LYST: variants seen among roughly 807,000 people sequenced by gnomAD.
The protein encoded by LYST is lysosomal-trafficking regulator.
A neutral mutation model predicts 413.6 loss-of-function variants in LYST; 192 were observed. That is an observed-to-expected ratio of 0.46 (90% CI 0.41 to 0.52). LYST has a LOEUF of 0.52. LYST is among the 20% of genes least tolerant of loss of function. The probability of loss-of-function intolerance (pLI) is 0.00; values close to 1 mark genes in which losing one functional copy is unlikely to be tolerated. For missense variants in LYST, 3,815 were observed against 4,499.9 expected, an observed-to-expected ratio of 0.85 and a Z score of 4.35; for synonymous variants, 1,525 against 1,567.3, an observed-to-expected ratio of 0.97 and a Z score of 0.64.
chr1:235,806,402 C>T lies in LYST; in HGVS notation c.2734G>A (p.Glu912Lys). 1.9e-6 allele frequency: 3 copies of T among 1,614,014 alleles called. No homozygotes were observed. Among genetic ancestry groups the T allele is most frequent in the Non-Finnish European group, 2.5e-6 (3 of 1,179,990 alleles). The change falls in exon 6 of 53, where the codon GAA (glutamate) becomes AAA (lysine). Residue 912 changes from glutamate (E) to lysine (K), a missense_variant. Physicochemically the swap from Glu to Lys is moderately conservative, Grantham distance 56. Transcript: ENST00000389793. ...LCVAFLCVSK[E>K]AESDRESAND... The stretch of plus-strand genomic sequence containing the variant: ...GCCGACTCCCTGTCAGACTCTGCTT[C>T]TTTACTTACGCATAAAAAAGCCACA...
chr1:235,843,562 G>A (rs906780418), intron 1 of LYST, among the ~76,000 whole-genome samples: 1 of 152,050 alleles, frequency 6.6e-6, no homozygotes, highest in Non-Finnish European at 1.5e-5. Flanking sequence ...AGTACTAGCT[G>A]CACACCTTAT....
chr1:235,809,204 A>G lies in LYST; in HGVS notation c.1614T>C (p.Asp538=). ...VSKNPFEETA[D]GDVYYPERCC... is the part of the protein sequence containing the mutation. ...ACCGCTCAGGATAATAAACATCTCC[A>G]TCTGCAGTCTCTTCAAATGGGTTTT... The change falls in exon 5 of 53, where the codon GAT becomes GAC. Residue 538 remains aspartate, a synonymous_variant. Transcript: ENST00000389793. This position sits in a 1 kb window ranked among gnomAD's most constrained non-coding sequence, Gnocchi z 4.0. 6.2e-7 allele frequency: 1 copy of G among 1,613,002 alleles called. No individual in the cohort carries two copies. The highest frequency in any genetic ancestry group is 1.7e-5 in the Admixed American group (1 of 59,968).
At chr1:235,681,170 C>T (rs1279678008) in intron 48 of LYST, among the ~76,000 whole-genome samples, 1 of 152,058 alleles carries the variant, frequency 6.6e-6, no homozygotes, top group South Asian at 2.1e-4. Flanking sequence ...TGGAAGACGG[C>T]ATATGAACTG....
chr1:235,715,805 T>C (rs867563756), intron 41 of LYST, among the ~76,000 whole-genome samples: 1 of 151,956 alleles, frequency 6.6e-6, no homozygotes, highest in African/African-American at 2.4e-5. Context: ...ATGTAAAAAC[T>C]ATGTCACATT....
chr1:235,816,890 A>AT (rs1175158522), intron 3 of LYST, among the ~76,000 whole-genome samples: 1 of 152,230 alleles, frequency 6.6e-6, no homozygotes, highest in Admixed American at 6.5e-5. Context: ...GGACTTAATT[A>AT]AAGAGCTTCT....
chr1:235,779,473 G>A (rs1250538089), intron 16 of LYST, among the ~76,000 whole-genome samples: 2 of 152,186 alleles, frequency 1.3e-5, no homozygotes, highest in African/African-American at 2.4e-5. Context: ...TTCTCAAAGT[G>A]TGATCCTCAA....
intron 50 of LYST, among the ~76,000 whole-genome samples, chr1:235,672,038 TAAGGAGAAAG>T (rs1161120161): frequency 6.6e-6 from 1 of 152,144 alleles, no homozygotes; most frequent in Non-Finnish European, 1.5e-5. Flanking sequence ...AGCTTGGATA[TAAGGAGAAAG>T]AAGGAGAAGA....
chr1:235,871,573 T>C (rs1347075641), upstream of LYST, among the ~76,000 whole-genome samples: 1 of 152,214 alleles, frequency 6.6e-6, no homozygotes, highest in Non-Finnish European at 1.5e-5. Context: ...CATAGGAAAA[T>C]AACAATACTA....
In LYST at chr1:235,759,573, G is replaced by A. The variant is rs1177240805; in HGVS notation, c.6280C>T (p.Gln2094Ter). The A allele has an allele frequency of 1.2e-6, 2 of 1,613,256 alleles. No homozygotes were observed. Among genetic ancestry groups the A allele is most frequent in the African/African-American group, 1.3e-5 (1 of 74,878 alleles). The change falls in exon 23 of 53, where the codon CAA becomes TAA. Residue 2094 changes from glutamine (Q) to a stop codon, truncating the protein, a stop_gained. Transcript: ENST00000389793. LOFTEE classifies it high-confidence loss of function. ...CGCAGCATATGGGCGGCCATCTGTT[G>A]TGGAATAATATTAGAGGAATTCTCT... ...EGENSSNIIPQQMAAHMLRSR... is the reference protein window; with the variant it reads ...EGENSSNIIP
chr1:235,866,489 A>G (rs998998408), intron 1 of LYST, among the ~76,000 whole-genome samples: 4 of 152,156 alleles, frequency 2.6e-5, no homozygotes, highest in Non-Finnish European at 4.4e-5. Flanking sequence ...GTAGCAACAC[A>G]CCGCCGTCAG....
chr1:235,821,443 C>A (rs1368406281), intron 3 of LYST, among the ~76,000 whole-genome samples: 1 of 151,566 alleles, frequency 6.6e-6, no homozygotes, highest in African/African-American at 2.4e-5. Context: ...TGAGACCCTG[C>A]CTCGAAAAAG....
Position 235,806,377 on chromosome 1 carries a change from G to C in LYST, c.2759C>G (p.Ala920Gly), listed in dbSNP as rs1307856107. 6.2e-7 allele frequency: 1 copy of C among 1,613,980 alleles called. No individual in the cohort carries two copies. ...GCCAGAAGTATCTTCTGAGTCATTG[G>C]CCGACTCCCTGTCAGACTCTGCTTC... ...SKEAESDRES[A>G]NDSEDTSGYD... The change falls in exon 6 of 53, where the codon GCC becomes GGC. Residue 920 changes from alanine to glycine, a missense_variant. This residue lies in a region of LYST where 1,648 missense variants were observed against 1,810.3 expected (regional missense o/e 0.91). Coordinates refer to ENST00000389793, the MANE Select transcript of LYST (RefSeq NM_000081.4).
At chr1:235,822,609 C>A (rs1379987837) in intron 3 of LYST, among the ~76,000 whole-genome samples, 1 of 152,082 alleles carries the variant, frequency 6.6e-6, no homozygotes, top group Non-Finnish European at 1.5e-5. Flanking sequence ...CTTCAAGAGG[C>A]GTAGAGGGGA....
intron 23 of LYST, among the ~76,000 whole-genome samples, chr1:235,758,136 G>T (rs1055110168): frequency 6.6e-6 from 1 of 152,134 alleles, no homozygotes; most frequent in South Asian, 2.1e-4. Flanking sequence ...TTCATAAAAG[G>T]AATGCTCTCT....
In LYST at chr1:235,802,980, G is replaced by C. The variant is rs1672411980; in HGVS notation, c.3640C>G (p.Leu1214Val). Residue 1214 changes from leucine (L) to valine (V), a missense_variant, in exon 8 of 53, where the codon CTT (leucine) becomes GTT (valine). Leu to Val is a conservative substitution (Grantham distance 32). This residue lies in a region of LYST where 1,648 missense variants were observed against 1,810.3 expected (regional missense o/e 0.91). Coordinates refer to ENST00000389793, the MANE Select transcript of LYST (RefSeq NM_000081.4). ...AEDSQCCSFKLLVEEEGYEAD... is the reference protein window; with the variant it reads ...AEDSQCCSFKVLVEEEGYEAD... Reference sequence around the variant, plus strand: ...TCGTAACCTTCTTCTTCAACTAAAAGTTTAAAACTACAACACTGAGAATCC... The same window carrying C: ...TCGTAACCTTCTTCTTCAACTAAAACTTTAAAACTACAACACTGAGAATCC... 1 of 1,613,282 alleles carries C rather than the reference G, an allele frequency of 6.2e-7. No individual in the cohort carries two copies. The highest frequency in any genetic ancestry group is 1.7e-5 in the Admixed American group (1 of 59,996).
At chr1:235,713,910 A>G (rs1662615474) in intron 42 of LYST, among the ~76,000 whole-genome samples, 1 of 152,238 alleles carries the variant, frequency 6.6e-6, no homozygotes, top group Non-Finnish European at 1.5e-5. Context: ...GAATACATTC[A>G]TAATAGTAAC....
chr1:235,729,498 T>C (rs190477191), intron 37 of LYST, 98 bp downstream of exon 37: 67 of 813,534 alleles, frequency 8.2e-5, no homozygotes, highest in African/African-American at 6.9e-4. Context: ...AGAAAGTTTA[T>C]CCAATTTAAT....
chr1:235,738,054 C>T, intron 31 of LYST: 1 of 1,584,618 alleles, frequency 6.3e-7, no homozygotes, highest in Non-Finnish European at 8.6e-7. Context: ...AGAACAGATC[C>T]TCCAGAATAA....
At position 235,766,243 on chromosome 1, in the gene LYST, C is replaced by T. The variant is rs529869172; in HGVS notation, c.5957G>A (p.Arg1986Gln). The T allele has an allele frequency of 5.1e-5, 82 of 1,612,854 alleles. No homozygotes were observed. The highest frequency in any genetic ancestry group is 3.3e-4 in the East Asian group (15 of 44,850). The change falls in exon 21 of 53, where the codon CGA (arginine) becomes CAA (glutamine). Residue 1986 changes from arginine (R) to glutamine (Q), a missense_variant. Arg to Gln is a conservative substitution (Grantham distance 43). Transcript: ENST00000389793. ...YKEGQLTPMP[R>Q]EVCRSFVKII... ...TTTCACAAATGATCTACAAACCTCT[C>T]GGGGCATGGGTGTGAGTTGCCCCTC...
Sources: gnomAD v4.1 joint callset for allele counts (sites outside exome capture counted in the v4.1 genomes callset) on GRCh38, gnomAD v4.1.1 for gene constraint, gnomAD v4.1.1 regional missense constraint, Gnocchi (gnomAD v3.1) non-coding constraint, MANE v1.5 for transcripts, NCBI Gene and HGNC (gene_info 2026-07-23, HGNC 2026-07-21) for gene names.